ERVFRD-1: variants seen among roughly 807,000 people sequenced by gnomAD.
ERVFRD-1 encodes syncytin-2.
Under a neutral mutation model 43.8 loss-of-function variants are expected in ERVFRD-1, and 33 were observed. The observed-to-expected ratio is 0.75, with a 90% confidence interval of 0.57 to 1.01. ERVFRD-1 has a LOEUF of 1.01. ERVFRD-1 is among the 50% of genes least tolerant of loss of function. The pLI is 0.00. For missense variants in ERVFRD-1, 568 were observed against 658.4 expected (o/e 0.86, Z 1.50); for synonymous variants, 239 against 244.4 (o/e 0.98, Z 0.21).
Position 11,105,105 on chromosome 6 carries a change from T to A in ERVFRD-1, c.206A>T (p.Glu69Val). 3 of 1,614,230 alleles carry A rather than the reference T, an allele frequency of 1.9e-6. No individual in the cohort carries two copies. The highest frequency in any genetic ancestry group is 2.5e-6 in the Non-Finnish European group (3 of 1,180,032). Reference sequence around the variant, plus strand: ...TCGATAGGAAATATGTAATTCCGCCTCTATGCTTGTCCATTCTCTGGGCGA... The same window carrying A: ...TCGATAGGAAATATGTAATTCCGCCACTATGCTTGTCCATTCTCTGGGCGA... ...PASPREWTSI[E>V]AELHISYRWD... The change falls in exon 2 of 2, where the codon GAG (glutamate) becomes GTG (valine). Residue 69 changes from glutamate to valine, a missense_variant. By Grantham distance (121) the Glu-to-Val change is moderately radical. Transcript: ENST00000472091.
Position 11,104,728 on chromosome 6 carries a change from C to T in ERVFRD-1, c.583G>A (p.Gly195Arg), listed in dbSNP as rs1441615944. The change falls in exon 2 of 2, where the codon GGA (glycine) becomes AGA (arginine). Residue 195 changes from glycine (G) to arginine (R), a missense_variant. By Grantham distance (125) the Gly-to-Arg change is moderately radical. Transcript: ENST00000472091. Reference protein sequence around the residue: ...LLDKSSRFCQGRPSSCSTRNF... With the variant: ...LLDKSSRFCQRRPSSCSTRNF... ...CGAGTACTGCATGAGCTTGGGCGTCCCTGGCAAAACCGGCTGGATTTATCT... is the reference window on the plus strand; with the variant it reads ...CGAGTACTGCATGAGCTTGGGCGTCTCTGGCAAAACCGGCTGGATTTATCT... 2 of 1,614,056 alleles carry T rather than the reference C, an allele frequency of 1.2e-6. No homozygotes were observed. The highest frequency in any genetic ancestry group is 1.7e-6 in the Non-Finnish European group (2 of 1,180,048).
rs1238819177 is a variant in ERVFRD-1 at position 11,103,639 on chromosome 6, G to A, written c.*55C>T. The A allele has an allele frequency of 6.7e-6, 10 of 1,483,592 alleles. No individual in the cohort carries two copies. The highest frequency in any genetic ancestry group is 9.0e-6 in the Non-Finnish European group (10 of 1,115,480). The allele number at this position is 1,483,592 out of a possible 1,614,324, so 91.9% of individuals were successfully genotyped here. On this transcript the variant is annotated 3_prime_UTR_variant, in exon 2 of 2. Transcript: ENST00000472091. Reference sequence around the variant, plus strand: ...ATATCCAGCCAGGTCCACGGGAGACGGGGCAGGATTTCGCCTCTGTCGTGT... The same window carrying A: ...ATATCCAGCCAGGTCCACGGGAGACAGGGCAGGATTTCGCCTCTGTCGTGT...
chr6:11,103,007 G>A lies in ERVFRD-1; in HGVS notation c.*687C>T, dbSNP rs929867495. On this transcript the variant is annotated 3_prime_UTR_variant, in exon 2 of 2. Transcript: ENST00000472091. The stretch of plus-strand genomic sequence containing the variant: ...TTTTATACATTGGCATTGTTCCGGG[G>A]TTTCCATTTCTCCTCCTCTGATTTT... 1 of 152,190 alleles carries A rather than the reference G, an allele frequency of 6.6e-6. No individual in the cohort carries two copies. Among genetic ancestry groups the A allele is most frequent in the Non-Finnish European group, 1.5e-5 (1 of 68,092 alleles). 9.4% of individuals were successfully genotyped at this position (152,190 alleles called of 1,614,324 possible).
At chr6:11,108,091 C>T (rs1352549569) in intron 1 of ERVFRD-1, among the ~76,000 whole-genome samples, 3 of 152,146 alleles carry the variant, frequency 2.0e-5, no homozygotes, top group Non-Finnish European at 2.9e-5. Context: ...AGCCCCTAGT[C>T]TGAGCAAAAT....
Position 11,105,421 on chromosome 6 carries a change from C to A in ERVFRD-1, c.-111G>T. ...ATCAGAGCAATTGCCAGTAAAATTT[C>A]TAGTATTGGGATCACCTTACTTTGA... On this transcript the variant is annotated 5_prime_UTR_variant, in exon 2 of 2. Coordinates refer to ENST00000472091, the MANE Select transcript of ERVFRD-1 (RefSeq NM_207582.3). The A allele has an allele frequency of 1.3e-6, 1 of 773,484 alleles. No individual in the cohort carries two copies. Among genetic ancestry groups the A allele is most frequent in the East Asian group, 2.7e-5 (1 of 37,274 alleles). 47.9% of individuals were successfully genotyped at this position (773,484 alleles called of 1,614,324 possible). A position where few individuals can be genotyped will look rare whatever the true frequency, so the allele number is the denominator to read the frequency against.
chr6:11,109,186 T>C (rs1393702058), intron 1 of ERVFRD-1, among the ~76,000 whole-genome samples: 1 of 152,264 alleles, frequency 6.6e-6, no homozygotes, highest in African/African-American at 2.4e-5. Flanking sequence ...TGCCCTAGTA[T>C]GACTGAGAGG....
chr6:11,105,357 C>G lies in ERVFRD-1; in HGVS notation c.-47G>C. Reference sequence around the variant, plus strand: ...CACAAAACGAGCTGCCAATGGAACTCCTGGTGGTGTACAAGTTAGGGTTAA... The same window carrying G: ...CACAAAACGAGCTGCCAATGGAACTGCTGGTGGTGTACAAGTTAGGGTTAA... On this transcript the variant is annotated 5_prime_UTR_variant, in exon 2 of 2. Transcript: ENST00000472091. 7.0e-7 allele frequency: 1 copy of G among 1,432,546 alleles called. No individual in the cohort carries two copies. The highest frequency in any genetic ancestry group is 9.6e-7 in the Non-Finnish European group (1 of 1,037,026). The allele number at this position is 1,432,546 out of a possible 1,614,324, so 88.7% of individuals were successfully genotyped here. A position where few individuals can be genotyped will look rare whatever the true frequency, so the allele number is the denominator to read the frequency against.
intron 1 of ERVFRD-1, among the ~76,000 whole-genome samples, chr6:11,111,452 T>C (rs1758165497): frequency 6.6e-6 from 1 of 152,190 alleles, no homozygotes; most frequent in Non-Finnish European, 1.5e-5. Context: ...GGGGGGCCAT[T>C]AGTGTCTCAG....
rs201072287 is a variant in ERVFRD-1 at position 11,111,439 on chromosome 6, CT to C, written c.-321+237del. 1.3e-3 allele frequency among the ~76,000 whole-genome samples: 201 copies of C among 152,198 alleles called. 5 individuals carry two copies. The East Asian group carries it at 0.035, about 26-fold the overall frequency. On this transcript the variant is annotated intron_variant, in intron 1 of 1. Transcript: ENST00000472091. ...CCTACCGCTCTCATCAGCCTCCTGT[CT>C]GGGGGGGCCATTAGTGTCTCAGGTC...
rs1561752203 is a variant in ERVFRD-1, at chr6:11,103,679, G to C, written c.*15C>G. ...CTCTGTCGTGTTCCACTAGCGAGCAGTCTAGGGGTCCTCCTTAGAAGGGTG... is the reference window on the plus strand; with the variant it reads ...CTCTGTCGTGTTCCACTAGCGAGCACTCTAGGGGTCCTCCTTAGAAGGGTG... On this transcript the variant is annotated 3_prime_UTR_variant, in exon 2 of 2. Transcript: ENST00000472091. The C allele has an allele frequency of 6.5e-7, 1 of 1,544,326 alleles. No individual in the cohort carries two copies. The highest frequency in any genetic ancestry group is 1.2e-5 in the South Asian group (1 of 82,822).
At position 11,104,152 on chromosome 6, in the gene ERVFRD-1, C is replaced by G. The variant is rs1298763300; in HGVS notation, c.1159G>C (p.Glu387Gln). ...ATGGTGTCAATGTTGTTGGCTATTT[C>G]CTTTGAGAGCTGGCTATAGGTGAGG... ...ASLTYSQLSK[E>Q]IANNIDTMAK... is the part of the protein sequence containing the mutation. The change falls in exon 2 of 2, where the codon GAA (glutamate) becomes CAA (glutamine). Residue 387 changes from glutamate (E) to glutamine (Q), a missense_variant. Physicochemically the swap from Glu to Gln is conservative, Grantham distance 29. Coordinates refer to ENST00000472091, the MANE Select transcript of ERVFRD-1 (RefSeq NM_207582.3). 3.2e-6 allele frequency: 5 copies of G among 1,544,366 alleles called. No individual in the cohort carries two copies. The highest frequency in any genetic ancestry group is 4.4e-6 in the Non-Finnish European group (5 of 1,143,500).
In ERVFRD-1 at chr6:11,103,875, C is replaced by G. The variant is rs748070072; in HGVS notation, c.1436G>C (p.Trp479Ser). Residue 479 changes from tryptophan (W) to serine (S), a missense_variant, in exon 2 of 2, where the codon TGG (tryptophan) becomes TCG (serine). Coordinates refer to ENST00000472091, the MANE Select transcript of ERVFRD-1 (RefSeq NM_207582.3). ...TGTAAGGGGAAGAACCCAAGAGAACCATTTCCAAGTTCCTTCCCAATTTAA... is the reference window on the plus strand; with the variant it reads ...TGTAAGGGGAAGAACCCAAGAGAACGATTTCCAAGTTCCTTCCCAATTTAA... ...GWLNWEGTWK[W>S]FSWVLPLTGP... The G allele has an allele frequency of 6.4e-6, 10 of 1,551,702 alleles. No individual in the cohort carries two copies. The South Asian group carries it at 1.2e-4, about 18-fold the overall frequency.
At chr6:11,109,347 C>T (rs1758136089) in intron 1 of ERVFRD-1, among the ~76,000 whole-genome samples, 1 of 152,138 alleles carries the variant, frequency 6.6e-6, no homozygotes, top group Non-Finnish European at 1.5e-5. Flanking sequence ...TCCACTGGGA[C>T]CACTAAACCT....
At position 11,104,766 on chromosome 6, in the gene ERVFRD-1, T is replaced by C. The variant is rs757819098; in HGVS notation, c.545A>G (p.Gln182Arg). The change falls in exon 2 of 2, where the codon CAG becomes CGG. Residue 182 changes from glutamine to arginine, a missense_variant. Transcript: ENST00000472091. ...FPKPPNITFP[Q>R]GTLLDKSSRF... ...GCTGGATTTATCTAGCAAAGTTCCC[T>C]GAGGAAAAGTAATATTTGGAGGTTT... 7.4e-6 allele frequency: 12 copies of C among 1,614,094 alleles called. No homozygotes were observed. The South Asian group carries it at 7.7e-5, about 10-fold the overall frequency.
Position 11,102,747 on chromosome 6 carries a change from T to C in ERVFRD-1, c.*947A>G, listed in dbSNP as rs1758013775. ...TTGCTTGGTGCTGGAACCTAAATGG[T>C]GGAACTGTTACCAGCAGCAAATCCA... On this transcript the variant is annotated 3_prime_UTR_variant, in exon 2 of 2. Transcript: ENST00000472091. 1.3e-5 allele frequency: 2 copies of C among 152,192 alleles called. No individual in the cohort carries two copies. Among genetic ancestry groups the C allele is most frequent in the South Asian group, 4.1e-4 (2 of 4,834 alleles). The allele number at this position is 152,192 out of a possible 1,614,324, so 9.4% of individuals were successfully genotyped here.
rs1258801046 is a variant in ERVFRD-1, at chr6:11,103,522, C to T, written c.*172G>A. 2.1e-6 allele frequency: 2 copies of T among 955,514 alleles called. No individual in the cohort carries two copies. The highest frequency in any genetic ancestry group is 2.9e-6 in the Non-Finnish European group (2 of 682,010). 59.2% of individuals were successfully genotyped at this position (955,514 alleles called of 1,614,324 possible). A position where few individuals can be genotyped will look rare whatever the true frequency, so the allele number is the denominator to read the frequency against. On this transcript the variant is annotated 3_prime_UTR_variant, in exon 2 of 2. Coordinates refer to ENST00000472091, the MANE Select transcript of ERVFRD-1 (RefSeq NM_207582.3). ...GAAGGTCAGTCTTCTTTAACTGCTT[C>T]CTGCTGACAGAGGGGCTGTAGTGGT...
chr6:11,106,897 C>G (rs1758092184), intron 1 of ERVFRD-1, among the ~76,000 whole-genome samples: 1 of 152,220 alleles, frequency 6.6e-6, no homozygotes. Flanking sequence ...CCTCTCCTTC[C>G]AGATAGCTGT....
chr6:11,107,980 A>G (rs763110300), intron 1 of ERVFRD-1, among the ~76,000 whole-genome samples: 97 of 152,278 alleles, frequency 6.4e-4, no homozygotes, highest in Non-Finnish European at 9.4e-4. Flanking sequence ...CTCTGGATAA[A>G]TGGGAAGGTC....
At position 11,103,990 on chromosome 6, in the gene ERVFRD-1, A is replaced by C. The variant is rs1464144487; in HGVS notation, c.1321T>G (p.Trp441Gly). Residue 441 changes from tryptophan (W) to glycine (G), a missense_variant, in exon 2 of 2, where the codon TGG becomes GGG. By Grantham distance (184) the Trp-to-Gly change is radical (BLOSUM62 -2). Coordinates refer to ENST00000472091, the MANE Select transcript of ERVFRD-1 (RefSeq NM_207582.3). Reference protein sequence around the residue: ...CLALDEKCCFWVNQSGKVQDN... With the variant: ...CLALDEKCCFGVNQSGKVQDN... ...TGTACTTTTCCTGATTGATTTACCC[A>C]AAAGCAACATTTTTCATCTAAGGCC... The C allele has an allele frequency of 5.2e-6, 8 of 1,551,590 alleles. No homozygotes were observed. Among genetic ancestry groups the C allele is most frequent in the African/African-American group, 4.1e-5 (3 of 73,050 alleles).
Sources: gnomAD v4.1 joint callset for allele counts (sites outside exome capture counted in the v4.1 genomes callset) on GRCh38, gnomAD v4.1.1 for gene constraint, MANE v1.5 for transcripts, NCBI Gene and HGNC (gene_info 2026-07-23, HGNC 2026-07-21) for gene names.